Variants in SNAPC3 observed in about 807,000 individuals in gnomAD.
The protein encoded by SNAPC3 is small nuclear RNA activating complex polypeptide 3.
Under a neutral mutation model 47.7 loss-of-function variants are expected in SNAPC3, and 56 were observed. That is an observed-to-expected ratio of 1.18 (90% CI 0.95 to 1.47). SNAPC3 has a LOEUF of 1.47. Among genes scored for constraint, SNAPC3 ranks in the 40% most tolerant of loss-of-function variants. The pLI, the probability that SNAPC3 is intolerant of heterozygous loss-of-function variation, is 0.00. For missense variants in SNAPC3, 665 were observed against 511.3 expected, an observed-to-expected ratio of 1.30 and a Z score of -2.90; for synonymous variants, 235 against 189.9, an observed-to-expected ratio of 1.24 and a Z score of -1.95.
intron 3 of SNAPC3, among the ~76,000 whole-genome samples, chr9:15,443,485 C>T (rs546124154): frequency 1.6e-4 from 25 of 151,998 alleles, no homozygotes; most frequent in Non-Finnish European, 2.5e-4. Flanking sequence ...TATTGTAGCA[C>T]GTGTATTACT....
intron 3 of SNAPC3, among the ~76,000 whole-genome samples, chr9:15,442,468 G>A (rs1018108715): frequency 1.6e-4 from 24 of 151,414 alleles, no homozygotes; most frequent in African/African-American, 5.6e-4. Flanking sequence ...GCGGCTGCTG[G>A]GCGGAGGGGC....
At chr9:15,442,289 G>A (rs1232937564) in intron 3 of SNAPC3, among the ~76,000 whole-genome samples, 3 of 148,486 alleles carry the variant, frequency 2.0e-5, no homozygotes, top group South Asian at 2.2e-4. Context: ...CTGGCCGGGC[G>A]GGGGCTGCCC....
In SNAPC3 at chr9:15,444,617, G is replaced by A. The variant is rs762356219; in HGVS notation, c.493G>A (p.Gly165Arg). ...CTTTCTTCAGGAGTCACATGCCATA[G>A]GAAAAAAGCCTGAAAATTCAGCAGA... ...FVYEMESHAI[G>R]KKPENSADMI... is the part of the protein sequence containing the mutation. The change falls in exon 4 of 9, where the codon GGA becomes AGA. Residue 165 changes from glycine to arginine, a missense_variant. Physicochemically the swap from Gly to Arg is moderately radical, Grantham distance 125 (BLOSUM62 -2). Transcript: ENST00000380821. 3.6e-5 allele frequency: 58 copies of A among 1,609,796 alleles called. No homozygotes were observed. Among genetic ancestry groups the A allele is most frequent in the Middle Eastern group, 3.3e-4 (2 of 6,078 alleles).
intron 2 of SNAPC3, among the ~76,000 whole-genome samples, chr9:15,425,350 TG>T (rs1189725845): frequency 3.9e-5 from 6 of 152,130 alleles, no homozygotes; most frequent in Admixed American, 3.9e-4. Context: ...CCGGAGTAGC[TG>T]GGATTACCGG....
chr9:15,446,434 T>A (rs1014369749), intron 4 of SNAPC3, among the ~76,000 whole-genome samples: 3 of 152,216 alleles, frequency 2.0e-5, no homozygotes, highest in Admixed American at 2.0e-4. Flanking sequence ...CTTGAACTTC[T>A]AGGCTCAAGC....
chr9:15,439,044 C>T (rs542544876), intron 3 of SNAPC3, among the ~76,000 whole-genome samples: 3 of 152,336 alleles, frequency 2.0e-5, no homozygotes, highest in Non-Finnish European at 2.9e-5. Flanking sequence ...GGGTCTTGCT[C>T]TCTTGCCCAG....
chr9:15,446,398 G>C (rs943612055), intron 4 of SNAPC3, among the ~76,000 whole-genome samples: 4 of 152,088 alleles, frequency 2.6e-5, no homozygotes, highest in African/African-American at 9.7e-5. Flanking sequence ...GTAGAGATGG[G>C]GTTTTGCTAT....
At chr9:15,434,658 G>A (rs1378824229) in intron 3 of SNAPC3, among the ~76,000 whole-genome samples, 1 of 151,928 alleles carries the variant, frequency 6.6e-6, no homozygotes, top group Non-Finnish European at 1.5e-5. Flanking sequence ...TGCCTACTTC[G>A]GCCTCCCAAA....
At chr9:15,442,230 C>A (rs1380820437) in intron 3 of SNAPC3, among the ~76,000 whole-genome samples, 1 of 143,662 alleles carries the variant, frequency 7.0e-6, no homozygotes, top group Non-Finnish European at 1.5e-5. Flanking sequence ...CGGGACGGGG[C>A]GGCTGGCCGG....
In SNAPC3 at chr9:15,435,371, C is replaced by T. The variant is rs368530366; in HGVS notation, c.477+1735C>T. 3.9e-5 allele frequency among the ~76,000 whole-genome samples: 6 copies of T among 152,140 alleles called. No individual in the cohort carries two copies. The East Asian group carries it at 9.7e-4, about 24-fold the overall frequency. On this transcript the variant is annotated intron_variant, in intron 3 of 8. Transcript: ENST00000380821. The stretch of plus-strand genomic sequence containing the variant: ...GTGGATCACCTGAGGTCAGGAGTTC[C>T]AGACCAGCCTGACCAACATGGCGAA...
intron 8 of SNAPC3, 97 bp from the exon 9 acceptor site, chr9:15,459,622 A>C (rs771154363): frequency 4.2e-6 from 4 of 943,110 alleles, no homozygotes; most frequent in Non-Finnish European, 4.9e-6. Flanking sequence ...TGATAAGGAA[A>C]TAGAATGTTA....
intron 7 of SNAPC3, 32 bp downstream of exon 7, chr9:15,453,237 C>CTT (rs759781006): frequency 8.1e-6 from 12 of 1,473,378 alleles, no homozygotes; most frequent in South Asian, 6.5e-5. Flanking sequence ...ATTTTGTTAC[C>CTT]TTTTTTTTTC....
intron 5 of SNAPC3, among the ~76,000 whole-genome samples, chr9:15,449,100 C>T (rs1293231424): frequency 2.6e-5 from 4 of 152,070 alleles, no homozygotes; most frequent in Non-Finnish European, 5.9e-5. Context: ...TGTGAGCCAC[C>T]GTGCCTGGCC....
At chr9:15,446,869 TAAA>T (rs1189715001) in intron 4 of SNAPC3, among the ~76,000 whole-genome samples, 1 of 152,054 alleles carries the variant, frequency 6.6e-6, no homozygotes, top group Non-Finnish European at 1.5e-5. Flanking sequence ...TGGTGTGTAA[TAAA>T]GGAGGTGGTT....
intron 3 of SNAPC3, among the ~76,000 whole-genome samples, chr9:15,439,886 G>A (rs2033170117): frequency 6.6e-6 from 1 of 152,160 alleles, no homozygotes; most frequent in Admixed American, 6.5e-5. Context: ...ATTATACACA[G>A]TCCTCAACCT....
At position 15,429,832 on chromosome 9, in the gene SNAPC3, C is replaced by G. The variant is rs185296350; in HGVS notation, c.393-3720C>G. On this transcript the variant is annotated intron_variant, in intron 2 of 8. Transcript: ENST00000380821. ...TCAATTTGGCTTGTAAAACAAAAAT[C>G]TTGGGATGACAAGAGACACATCTAA... Among the ~76,000 whole-genome samples, 33 of 152,104 alleles carry G rather than the reference C, an allele frequency of 2.2e-4. No individual in the cohort carries two copies. In the East Asian group the frequency reaches 5.8e-3, roughly 27 times the overall value.
chr9:15,439,880 T>C (rs1217672077), intron 3 of SNAPC3, among the ~76,000 whole-genome samples: 1 of 152,236 alleles, frequency 6.6e-6, no homozygotes, highest in African/African-American at 2.4e-5. Flanking sequence ...CTTTTAATTA[T>C]ACACAGTCCT....
At position 15,453,799 on chromosome 9, in the gene SNAPC3, G is replaced by A. The variant is rs1016068939; in HGVS notation, c.980+594G>A. On this transcript the variant is annotated intron_variant, in intron 7 of 8. Coordinates refer to ENST00000380821, the MANE Select transcript of SNAPC3 (RefSeq NM_001039697.2). ...CAGTTTAAGAAGGAATACTATGTAC[G>A]AATAAACCCTGCTCCATTGCTGGTT... 5.9e-5 allele frequency among the ~76,000 whole-genome samples: 9 copies of A among 152,226 alleles called. No individual in the cohort carries two copies. In the East Asian group the frequency reaches 1.7e-3, roughly 29 times the overall value.
downstream of SNAPC3, chr9:15,461,701 C>G (rs114237076): frequency 6.6e-6 from 1 of 152,126 alleles, no homozygotes; most frequent in Non-Finnish European, 1.5e-5. Context: ...GGAAAACTGA[C>G]GAAACCTATA....
Sources: allele counts gnomAD v4.1 joint callset (sites outside exome capture counted in the v4.1 genomes callset), GRCh38; gene constraint gnomAD v4.1.1; transcripts MANE v1.5; gene names NCBI Gene and HGNC (gene_info 2026-07-23, HGNC 2026-07-21).